Variants in TTN observed in about 807,000 individuals in gnomAD.
TTN encodes connectin.
TTN carries 1,525 observed loss-of-function variants against 3,223.0 expected under a neutral mutation model. That is an observed-to-expected ratio of 0.47 (90% CI 0.45 to 0.49). The LOEUF is 0.49. Ranked by LOEUF, TTN falls within the 20% of genes least tolerant of loss-of-function variation. The pLI, the probability that TTN is intolerant of heterozygous loss-of-function variation, is 0.00. For missense variants in TTN, 40,786 were observed against 43,424.0 expected (o/e 0.94, Z 5.40); for synonymous variants, 14,094 against 15,161.0 (o/e 0.93, Z 5.17).
rs539338428 is a variant in TTN at position 178,651,960 on chromosome 2, C to G, written c.39303G>C (p.Glu13101Asp). The G allele has an allele frequency of 6.2e-7, 1 of 1,610,400 alleles. No homozygotes were observed. Among genetic ancestry groups the G allele is most frequent in the South Asian group, 1.1e-5 (1 of 90,572 alleles). ...KPESPPPEVFEEPEEVALEEP... is the reference protein window; with the variant it reads ...KPESPPPEVFDEPEEVALEEP... The stretch of plus-strand genomic sequence containing the variant: ...CTTCTAGGGCAACTTCCTCAGGCTC[C>G]TCGAACACTTTAAAGACATGAGCTC... The change falls in exon 205 of 363, where the codon GAG becomes GAC. Residue 13101 changes from glutamate (E) to aspartate (D), a missense_variant. Transcript: ENST00000589042.
At chr2:178,758,071 T>A (rs1384192587) in intron 44 of TTN, among the ~76,000 whole-genome samples, 155 bp from the exon 45 acceptor site, 1 of 152,178 alleles carries the variant, frequency 6.6e-6, no homozygotes, top group Non-Finnish European at 1.5e-5. Context: ...TGACTCGAAG[T>A]CACACAAGTT....
Position 178,667,689 on chromosome 2 carries a change from C to G in TTN, c.35578G>C (p.Glu11860Gln). 1 of 1,596,356 alleles carries G rather than the reference C, an allele frequency of 6.3e-7. No individual in the cohort carries two copies. Among genetic ancestry groups the G allele is most frequent in the South Asian group, 1.1e-5 (1 of 90,756 alleles). Reference sequence around the variant, plus strand: ...TGAGGTTGAGTCACAAGTACTTTTTCTTCTAGGACTGCTTCTTCAGATGCT... The same window carrying G: ...TGAGGTTGAGTCACAAGTACTTTTTGTTCTAGGACTGCTTCTTCAGATGCT... ...YEASEEAVLEEKVLVTQPQKT... is the reference protein window; with the variant it reads ...YEASEEAVLEQKVLVTQPQKT... Residue 11860 changes from glutamate to glutamine, a missense_variant, in exon 160 of 363, where the codon GAA (glutamate) becomes CAA (glutamine). Coordinates refer to ENST00000589042, the MANE Select transcript of TTN (RefSeq NM_001267550.2).
intron 139 of TTN, 60 bp downstream of exon 139, chr2:178,680,194 C>A (rs1310058958): frequency 5.0e-6 from 8 of 1,597,818 alleles, no homozygotes; most frequent in Non-Finnish European, 6.8e-6. Flanking sequence ...ACACACAGAA[C>A]TGAAGAGGAA....
At chr2:178,647,544 G>A in intron 213 of TTN, 80 bp from the exon 214 acceptor site, 1 of 1,340,744 alleles carries the variant, frequency 7.5e-7, no homozygotes, top group Non-Finnish European at 1.0e-6. Flanking sequence ...AAGAATGCAG[G>A]GGCAAGAGCT....
In TTN at chr2:178,571,440, C is replaced by T. The variant is rs751312481; in HGVS notation, c.74692G>A (p.Glu24898Lys). ...AATGGATATTGGGCTACAGTAGGCT[C>T]TGAATTGAGGTAGGTACTCTTCCCA... ...RYGKSTYLNS[E>K]PTVAQYPFKV... Residue 24898 changes from glutamate to lysine, a missense_variant, in exon 326 of 363, where the codon GAG becomes AAG. Transcript: ENST00000589042. The T allele has an allele frequency of 3.7e-6, 6 of 1,613,322 alleles. No homozygotes were observed. In the African/African-American group the frequency reaches 8.0e-5, roughly 22 times the overall value.
Position 178,610,206 on chromosome 2 carries a change from G to C in TTN, c.51320C>G (p.Thr17107Ser). 1 of 1,612,966 alleles carries C rather than the reference G, an allele frequency of 6.2e-7. No homozygotes were observed. The highest frequency in any genetic ancestry group is 8.5e-7 in the Non-Finnish European group (1 of 1,179,298). The change falls in exon 271 of 363, where the codon ACT becomes AGT. Residue 17107 changes from threonine (T) to serine (S), a missense_variant. Thr to Ser is a moderately conservative substitution (Grantham distance 58, BLOSUM62 1). Transcript: ENST00000589042. ...VMSGENKLSW[T>S]VKDLIPNGEY... ...ACCATTTGGTATGAGATCCTTCACA[G>C]TCCATGACAGTTTGTTCTCACCAGA...
At chr2:178,623,021 A>G (rs972777549) in intron 242 of TTN, among the ~76,000 whole-genome samples, 3 of 151,924 alleles carry the variant, frequency 2.0e-5, no homozygotes, top group African/African-American at 7.2e-5. Context: ...TACAGTATAT[A>G]TACTAGGGAG....
chr2:178,731,492 T>G lies in TTN; in HGVS notation c.17274A>C (p.Pro5758=). Residue 5758 remains proline, a synonymous_variant, in exon 59 of 363, where the codon CCA becomes CCC. Transcript: ENST00000589042. ...TGTCTTTTAGCCAAGTCACCGTAAT[T>G]GGCAAGGAGCCCTTCAGAGTGGCCT... ...AFQATLKGSL[P]ITVTWLKDSD... is the part of the protein sequence containing the mutation. The G allele has an allele frequency of 6.2e-7, 1 of 1,613,680 alleles. No individual in the cohort carries two copies. Among genetic ancestry groups the G allele is most frequent in the Admixed American group, 1.7e-5 (1 of 59,982 alleles).
At chr2:178,746,055 C>T in intron 47 of TTN, 1 of 1,613,452 alleles carries the variant, frequency 6.2e-7, no homozygotes, top group Non-Finnish European at 8.5e-7. Flanking sequence ...CTGTATGTTG[C>T]ACTATCAGAA....
intron 223 of TTN, among the ~76,000 whole-genome samples, chr2:178,638,661 C>A (rs2060821571): frequency 6.6e-6 from 1 of 150,944 alleles, no homozygotes; most frequent in African/African-American, 2.4e-5. Context: ...TATTGAATAT[C>A]TTAGATTCTT....
chr2:178,718,321 C>A lies in TTN; in HGVS notation c.24784+1G>T. The A allele has an allele frequency of 6.2e-7, 1 of 1,612,678 alleles. No homozygotes were observed. Among genetic ancestry groups the A allele is most frequent in the Non-Finnish European group, 8.5e-7 (1 of 1,179,096 alleles). ...ATAAAAAGAGGTAGCTGTCAACACA[C>A]CTAAGACAGACACCAGAGCTTCACA... On this transcript the variant is annotated splice_donor_variant, in intron 85 of 362. Coordinates refer to ENST00000589042, the MANE Select transcript of TTN (RefSeq NM_001267550.2). LOFTEE classifies it high-confidence loss of function.
Position 178,750,245 on chromosome 2 carries a change from T to C in TTN, c.11311+2879A>G, listed in dbSNP as rs1321269874. 5 of 1,613,106 alleles carry C rather than the reference T, an allele frequency of 3.1e-6. No individual in the cohort carries two copies. The South Asian group carries it at 4.4e-5, about 14-fold the overall frequency. The stretch of plus-strand genomic sequence containing the variant: ...TGCTAACTCTTCTTCCTCATCCAAG[T>C]AGTCATGGAACACTGGGACTTTATG... On this transcript the variant is annotated intron_variant, in intron 47 of 362. Coordinates refer to ENST00000589042, the MANE Select transcript of TTN (RefSeq NM_001267550.2).
chr2:178,677,548 G>A, intron 146 of TTN, 73 bp downstream of exon 146: 1 of 1,441,154 alleles, frequency 6.9e-7, no homozygotes, highest in Non-Finnish European at 9.3e-7. Flanking sequence ...TAAAACTGGA[G>A]ATGAACAAAA....
rs1327715051 is a variant in TTN at position 178,552,945 on chromosome 2, G to A, written c.89955C>T (p.His29985=). 6.2e-7 allele frequency: 1 copy of A among 1,613,484 alleles called. No homozygotes were observed. Among genetic ancestry groups the A allele is most frequent in the Non-Finnish European group, 8.5e-7 (1 of 1,179,770 alleles). Residue 29985 remains histidine (H), a synonymous_variant, in exon 335 of 363, where the codon CAC becomes CAT. Transcript: ENST00000589042. ...ATKRTWSVVS[H]KCSSTSFKLI... ...GCTTGAAGGATGTGCTAGAACATTT[G>A]TGTGACACGACAGACCATGTTCTCT...
At chr2:178,584,128 G>C in intron 311 of TTN, 148 bp downstream of exon 311, 1 of 1,066,420 alleles carries the variant, frequency 9.4e-7, no homozygotes, top group Non-Finnish European at 1.3e-6. Flanking sequence ...TTCATTGTAA[G>C]AGATAGAACA....
At chr2:178,696,525 CCTT>C (rs527877386) in intron 113 of TTN, among the ~76,000 whole-genome samples, 11 of 151,654 alleles carry the variant, frequency 7.3e-5, no homozygotes, top group Non-Finnish European at 1.3e-4. Flanking sequence ...AATGGACACA[CCTT>C]CTATTATTCC....
chr2:178,650,257 C>A lies in TTN; in HGVS notation c.39724G>T (p.Glu13242Ter), dbSNP rs867531317. 6.3e-7 allele frequency: 1 copy of A among 1,582,694 alleles called. No individual in the cohort carries two copies. The change falls in exon 210 of 363, where the codon GAG (glutamate) becomes TAG (stop). Residue 13242 changes from glutamate to a stop codon, truncating the protein, a stop_gained. Coordinates refer to ENST00000589042, the MANE Select transcript of TTN (RefSeq NM_001267550.2). LOFTEE classifies it high-confidence loss of function. ...ATTTCCTCTTCAGGAGCAATTTCCT[C>A]AGGTTCTTCATATACTTTAAAGATA... ...SPPPEVYEEP[E>*]EIAPEEEIAP...
chr2:178,549,845 G>C lies in TTN; in HGVS notation c.91877C>G (p.Pro30626Arg). The change falls in exon 338 of 363, where the codon CCA becomes CGA. Residue 30626 changes from proline to arginine, a missense_variant. By Grantham distance (103) the Pro-to-Arg change is moderately radical (BLOSUM62 -2). Transcript: ENST00000589042. ...VQDTPGKVVG[P>R]IRFTNITGEK... ...CCCAGTAATATTGGTGAATCTTATT[G>C]GCCCAACTACTTTTCCTGGTGTATC... 1 of 1,579,870 alleles carries C rather than the reference G, an allele frequency of 6.3e-7. No homozygotes were observed. The highest frequency in any genetic ancestry group is 8.6e-7 in the Non-Finnish European group (1 of 1,163,446).
chr2:178,591,171 G>A lies in TTN; in HGVS notation c.60554C>T (p.Thr20185Ile). ...CCATGAGATAGTCATGTGTTCAGGA[G>A]TAACATCCAGAATATTAATAGGACC... ...PTGPINILDV[T>I]PEHMTISWQP... The change falls in exon 304 of 363, where the codon ACT (threonine) becomes ATT (isoleucine). Residue 20185 changes from threonine to isoleucine, a missense_variant. Thr to Ile is a moderately conservative substitution (Grantham distance 89, BLOSUM62 -1). Transcript: ENST00000589042. 1.2e-6 allele frequency: 2 copies of A among 1,613,332 alleles called. No homozygotes were observed. Among genetic ancestry groups the A allele is most frequent in the Non-Finnish European group, 1.7e-6 (2 of 1,179,534 alleles).
Sources: gnomAD v4.1 joint callset for allele counts (sites outside exome capture counted in the v4.1 genomes callset) on GRCh38, gnomAD v4.1.1 for gene constraint, MANE v1.5 for transcripts, NCBI Gene and HGNC (gene_info 2026-07-23, HGNC 2026-07-21) for gene names.